Variants in RAB10 observed in about 807,000 individuals in gnomAD.
RAB10 encodes the protein ras-related protein Rab-10.
RAB10 carries 5 observed loss-of-function variants against 25.7 expected under a neutral mutation model. That is an observed-to-expected ratio of 0.19 (90% confidence interval 0.10 to 0.41). RAB10 has a LOEUF of 0.41. RAB10 is among the 10% of genes least tolerant of loss of function. The pLI is 1.00. For missense variants in RAB10, 103 were observed against 245.8 expected, an observed-to-expected ratio of 0.42 and a Z score of 3.89; for synonymous variants, 89 against 86.4, an observed-to-expected ratio of 1.03 and a Z score of -0.16.
chr2:26,113,749 A>G (rs1333926059), intron 3 of RAB10, among the ~76,000 whole-genome samples: 1 of 151,246 alleles, frequency 6.6e-6, no homozygotes, highest in Non-Finnish European at 1.5e-5. Flanking sequence ...GAGCTAAAAA[A>G]AAAAAAAAAA....
In RAB10 at chr2:26,136,680, A is replaced by G. The variant is rs1426158510; in HGVS notation, c.*1659A>G. 1 of 152,650 alleles carries G rather than the reference A, an allele frequency of 6.6e-6. No individual in the cohort carries two copies. Among genetic ancestry groups the G allele is most frequent in the Non-Finnish European group, 1.5e-5 (1 of 68,046 alleles). The allele number at this position is 152,650 out of a possible 1,614,324, so 9.5% of individuals were successfully genotyped here. The stretch of plus-strand genomic sequence containing the variant: ...GGCTGAGTTTAGGACAGCAGCTTCC[A>G]TTGAGAAGTCTTTCTGTGTCGTGAA... On this transcript the variant is annotated 3_prime_UTR_variant, in exon 6 of 6. Coordinates refer to ENST00000264710, the MANE Select transcript of RAB10 (RefSeq NM_016131.5).
intron 3 of RAB10, among the ~76,000 whole-genome samples, 175 bp from the exon 4 acceptor site, chr2:26,126,969 T>A (rs1400872102): frequency 6.6e-6 from 1 of 152,224 alleles, no homozygotes; most frequent in African/African-American, 2.4e-5. Flanking sequence ...TTTCTTTTGC[T>A]AGGTAATCTA....
chr2:26,046,780 A>T (rs1213833261), intron 1 of RAB10, among the ~76,000 whole-genome samples: 1 of 152,192 alleles, frequency 6.6e-6, no homozygotes, highest in African/African-American at 2.4e-5. Context: ...ACATTAGAAA[A>T]TGGAAAAACC....
intron 2 of RAB10, among the ~76,000 whole-genome samples, chr2:26,106,878 CTG>C (rs1243475505): frequency 6.6e-6 from 1 of 151,912 alleles, no homozygotes; most frequent in Non-Finnish European, 1.5e-5. Context: ...GAGCAAGACT[CTG>C]TCTCAAAAAA....
intron 1 of RAB10, among the ~76,000 whole-genome samples, chr2:26,050,893 C>A (rs1374291418): frequency 1.3e-5 from 2 of 151,938 alleles, no homozygotes; most frequent in Non-Finnish European, 2.9e-5. Context: ...AGGTGTGAGT[C>A]CTTGTGCCTG....
chr2:26,054,038 C>T (rs928476896), intron 1 of RAB10, among the ~76,000 whole-genome samples: 127 of 87,280 alleles, frequency 1.5e-3, no homozygotes, highest in East Asian at 3.1e-3. Context: ...CCCTTCTGTT[C>T]TTTTTTTTTT....
At chr2:26,073,874 G>T (rs1018038556) in intron 1 of RAB10, among the ~76,000 whole-genome samples, 5 of 152,136 alleles carry the variant, frequency 3.3e-5, no homozygotes, top group Non-Finnish European at 7.4e-5. Flanking sequence ...GGGTTTCTAG[G>T]CAGTTAGTTG....
At chr2:26,097,273 CTT>C (rs1195858575) in intron 1 of RAB10, among the ~76,000 whole-genome samples, 3 of 152,004 alleles carry the variant, frequency 2.0e-5, no homozygotes, top group African/African-American at 4.8e-5. Flanking sequence ...CCTCAATACT[CTT>C]TTCTTTGTTT....
At chr2:26,131,177 G>T (rs138144409) in intron 5 of RAB10, among the ~76,000 whole-genome samples, 352 of 152,126 alleles carry the variant, frequency 2.3e-3, no homozygotes, top group African/African-American at 8.3e-3. Flanking sequence ...ACTTGCAGGG[G>T]TGTCCAATCT....
chr2:26,120,275 G>A (rs1375296174), intron 3 of RAB10, among the ~76,000 whole-genome samples: 1 of 152,188 alleles, frequency 6.6e-6, no homozygotes, highest in African/African-American at 2.4e-5. Flanking sequence ...GCAGCTGGGA[G>A]CTTTTAAAAC....
At chr2:26,084,100 C>A (rs1186773488) in intron 1 of RAB10, among the ~76,000 whole-genome samples, 1 of 152,270 alleles carries the variant, frequency 6.6e-6, no homozygotes, top group African/African-American at 2.4e-5. Context: ...ATGTCAAATC[C>A]ATTGTACTTG....
chr2:26,105,516 G>T (rs867984922), intron 2 of RAB10, among the ~76,000 whole-genome samples: 1 of 151,982 alleles, frequency 6.6e-6, no homozygotes, highest in East Asian at 1.9e-4. Flanking sequence ...TTAGCTGGGC[G>T]TGGTGGCACA....
chr2:26,089,117 A>G (rs1320714215), intron 1 of RAB10, among the ~76,000 whole-genome samples: 1 of 152,004 alleles, frequency 6.6e-6, no homozygotes, highest in Admixed American at 6.6e-5. Flanking sequence ...TCAGAAATAT[A>G]TTTATTCATA....
At chr2:26,122,678 A>G (rs1667831041) in intron 3 of RAB10, among the ~76,000 whole-genome samples, 1 of 152,166 alleles carries the variant, frequency 6.6e-6, no homozygotes, top group Non-Finnish European at 1.5e-5. Context: ...TATTCAAGAA[A>G]AAGTGAAGTT....
intron 1 of RAB10, among the ~76,000 whole-genome samples, chr2:26,082,272 G>T (rs1666884867): frequency 6.6e-6 from 1 of 152,032 alleles, no homozygotes; most frequent in Non-Finnish European, 1.5e-5. Flanking sequence ...GGAGGTAGAT[G>T]GTTCTAGTTA....
chr2:26,105,825 A>G lies in RAB10; in HGVS notation c.189-3943A>G, dbSNP rs1361752301. ...TTTCTATGTTTTGACATATTTAGAT[A>G]CACAAATACTTATTGTGTTATAGTT... On this transcript the variant is annotated intron_variant, in intron 2 of 5. Transcript: ENST00000264710. Among the ~76,000 whole-genome samples the G allele has an allele frequency of 2.6e-5, 4 of 152,206 alleles. No homozygotes were observed. The South Asian group carries it at 6.2e-4, about 24-fold the overall frequency.
rs556638023 is a variant in RAB10, at chr2:26,113,022, T to C, written c.327+3116T>C. On this transcript the variant is annotated intron_variant, in intron 3 of 5. Coordinates refer to ENST00000264710, the MANE Select transcript of RAB10 (RefSeq NM_016131.5). Reference sequence around the variant, plus strand: ...ACTTGAACCCAGGAGGCGGAGGAGGTTGCAGTGAGCCAAGATTGCACCACT... The same window carrying C: ...ACTTGAACCCAGGAGGCGGAGGAGGCTGCAGTGAGCCAAGATTGCACCACT... Among the ~76,000 whole-genome samples the C allele has an allele frequency of 4.3e-4, 65 of 151,270 alleles. 2 individuals carry two copies. In the South Asian group the frequency reaches 0.013, roughly 30 times the overall value.
intron 1 of RAB10, among the ~76,000 whole-genome samples, chr2:26,089,422 C>CAA (rs11315031): frequency 3.9e-5 from 5 of 128,474 alleles, no homozygotes; most frequent in Admixed American, 7.7e-5. Flanking sequence ...GACTCTGTCT[C>CAA]AAAAAAAAAA....
At chr2:26,104,556 T>C (rs1283906580) in intron 2 of RAB10, among the ~76,000 whole-genome samples, 2 of 152,174 alleles carry the variant, frequency 1.3e-5, no homozygotes, top group African/African-American at 2.4e-5. Context: ...TATTGTTCGC[T>C]GAAATACAAG....
Sources: allele counts gnomAD v4.1 joint callset (sites outside exome capture counted in the v4.1 genomes callset), GRCh38; gene constraint gnomAD v4.1.1; transcripts MANE v1.5; gene names NCBI Gene and HGNC (gene_info 2026-07-23, HGNC 2026-07-21).